The following ZFHX3 variants were observed in gnomAD, a reference collection of about 807,000 sequenced individuals.
ZFHX3 encodes the protein zinc finger homeobox 3, also known as zinc finger homeobox protein 3.
A neutral mutation model predicts 279.1 loss-of-function variants in ZFHX3; 42 were observed. That is an observed-to-expected ratio of 0.15 (90% confidence interval 0.12 to 0.19). ZFHX3 has a LOEUF of 0.19. Ranked by LOEUF, ZFHX3 falls within the 10% of genes least tolerant of loss-of-function variation. ZFHX3 has a pLI of 1.00. For synonymous variants in ZFHX3, 2,293 were observed against 1,957.8 expected, an observed-to-expected ratio of 1.17 and a Z score of -4.52; for missense variants, 4,981 against 4,754.0, an observed-to-expected ratio of 1.05 and a Z score of -1.40.
At chr16:73,244,873 C>T (rs1015049639) in intron 5 of ZFHX3, among the ~76,000 whole-genome samples, 10 of 152,206 alleles carry the variant, frequency 6.6e-5, no homozygotes, top group African/African-American at 2.4e-4. Flanking sequence ...GTTGAGAAGA[C>T]TGATGTGAAC....
intron 3 of ZFHX3, among the ~76,000 whole-genome samples, chr16:72,920,065 T>A (rs2144232541): frequency 6.6e-6 from 1 of 151,996 alleles, no homozygotes; most frequent in Admixed American, 6.6e-5. Context: ...AGTGCTGGGA[T>A]TACAGGCATG....
At chr16:73,018,995 C>T (rs563959758) in intron 1 of ZFHX3, among the ~76,000 whole-genome samples, 1 of 152,214 alleles carries the variant, frequency 6.6e-6, no homozygotes, top group Non-Finnish European at 1.5e-5. Context: ...TCCGCTGTAT[C>T]ACACACTCAT....
intron 2 of ZFHX3, among the ~76,000 whole-genome samples, chr16:73,512,710 G>A (rs976914989): frequency 1.4e-4 from 22 of 152,294 alleles, no homozygotes; most frequent in African/African-American, 5.3e-4. Context: ...CTTGGCCACG[G>A]CAATGGTCTG....
rs1318517359 is a variant in ZFHX3 at position 73,690,015 on chromosome 16, A to C, written c.-1607-9775T>G. ...ACCGCAACCTCCACCTCCCTGGTTT[A>C]AGCAATTGCCCTGCCTCAGCCTCCT... is the stretch of plus-strand genomic sequence containing the variant. On this transcript the variant is annotated intron_variant, in intron 1 of 17. Transcript: ENST00000641206. Among the ~76,000 whole-genome samples the C allele has an allele frequency of 7.2e-5, 11 of 151,958 alleles. 1 individual carries two copies. Among genetic ancestry groups the C allele is most frequent in the Admixed American group, 4.6e-4 (7 of 15,260 alleles).
Position 72,796,355 on chromosome 16 carries a change from GGTCTGCAGCGGCATC to G in ZFHX3, c.6312_6326del (p.Met2105_Thr2109del). The stretch of plus-strand genomic sequence containing the variant: ...GCTGCGGGGGTAGCTGAGCCGGCAA[GGTCTGCAGCGGCATC>G]GTCTGCATCATCAGCGGCGAGAAGA... On this transcript the variant is annotated inframe_deletion, in exon 9 of 10. Transcript: ENST00000268489. 1.2e-6 allele frequency: 2 copies of G among 1,613,954 alleles called. No individual in the cohort carries two copies. The highest frequency in any genetic ancestry group is 4.5e-5 in the East Asian group (2 of 44,864).
chr16:73,024,977 C>G (rs1307881930), intron 1 of ZFHX3, among the ~76,000 whole-genome samples: 1 of 152,192 alleles, frequency 6.6e-6, no homozygotes, highest in Non-Finnish European at 1.5e-5. Context: ...TAGACACCGC[C>G]TGCCTCCTGG....
At chr16:72,854,766 C>T (rs989607263) in intron 4 of ZFHX3, among the ~76,000 whole-genome samples, 4 of 151,924 alleles carry the variant, frequency 2.6e-5, no homozygotes, top group African/African-American at 2.4e-5. Context: ...GAGGAGAGCC[C>T]GATTGAGCCT....
intron 2 of ZFHX3, among the ~76,000 whole-genome samples, chr16:73,641,362 C>G (rs2052571711): frequency 6.6e-6 from 1 of 152,002 alleles, no homozygotes; most frequent in Admixed American, 6.6e-5. Flanking sequence ...TTGGAGCAGA[C>G]CTAGAAAGTA....
At chr16:73,352,456 TTCTCTCTC>T (rs561312963) in intron 3 of ZFHX3, among the ~76,000 whole-genome samples, 1 of 134,324 alleles carries the variant, frequency 7.4e-6, no homozygotes, top group Non-Finnish European at 1.5e-5. Context: ...AGCCTTTGGT[TTCTCTCTC>T]TCTCTCTCTC....
chr16:73,453,378 G>A (rs1196463319), intron 3 of ZFHX3, among the ~76,000 whole-genome samples: 4 of 152,158 alleles, frequency 2.6e-5, no homozygotes, highest in Non-Finnish European at 4.4e-5. Flanking sequence ...GCTTTTAAGA[G>A]GACCAGCAGG....
At chr16:73,412,932 A>T (rs1280284103) in intron 3 of ZFHX3, among the ~76,000 whole-genome samples, 1 of 152,214 alleles carries the variant, frequency 6.6e-6, no homozygotes, top group Admixed American at 6.5e-5. Context: ...ATACAGATGC[A>T]TTTATGGATC....
chr16:73,518,999 A>G (rs372895363), intron 2 of ZFHX3, among the ~76,000 whole-genome samples: 19 of 152,338 alleles, frequency 1.2e-4, no homozygotes, highest in African/African-American at 4.6e-4. Context: ...AGTGGTATTC[A>G]CTGTCTACTA....
intron 2 of ZFHX3, among the ~76,000 whole-genome samples, chr16:73,594,730 C>A (rs2052031221): frequency 6.6e-6 from 1 of 152,216 alleles, no homozygotes; most frequent in Non-Finnish European, 1.5e-5. Context: ...ACAAGCCTAA[C>A]ATTGGCATGC....
At position 72,794,055 on chromosome 16, in the gene ZFHX3, G is replaced by C. The variant is rs2035808211; in HGVS notation, c.8627C>G (p.Thr2876Ser). 2.5e-6 allele frequency: 4 copies of C among 1,614,118 alleles called. No individual in the cohort carries two copies. Among genetic ancestry groups the C allele is most frequent in the Non-Finnish European group, 3.4e-6 (4 of 1,180,064 alleles). Residue 2876 changes from threonine (T) to serine (S), a missense_variant, in exon 9 of 10, where the codon ACC becomes AGC. By Grantham distance (58) the Thr-to-Ser change is moderately conservative. Around this residue, in one of 7 missense-constraint regions of ZFHX3, gnomAD observed 744 missense variants for 701.3 expected, o/e 1.06. Coordinates refer to ENST00000268489, the MANE Select transcript of ZFHX3 (RefSeq NM_006885.4). The surrounding 1 kb of genome is among the most constrained non-coding windows in gnomAD (Gnocchi z 4.2). Reference protein sequence around the residue: ...KSSSAPNEGLTKAAMMAMSEY... With the variant: ...KSSSAPNEGLSKAAMMAMSEY... ...AGACATTGCCATCATGGCCGCTTTGGTCAACCCTTCGTTGGGTGCAGAAGA... is the reference window on the plus strand; with the variant it reads ...AGACATTGCCATCATGGCCGCTTTGCTCAACCCTTCGTTGGGTGCAGAAGA...
Position 72,797,458 on chromosome 16 carries a change from C to CTTGTTGTTGTTGTTGTTGTTG in ZFHX3, c.5203_5223dup (p.Gln1735_Gln1741dup). On this transcript the variant is annotated inframe_insertion, in exon 9 of 10. Coordinates refer to ENST00000268489, the MANE Select transcript of ZFHX3 (RefSeq NM_006885.4). ...GCCTGGGCCTGGGCCAGCGTTTGTG[C>CTTGTTGTTGTTGTTGTTGTTG]TTGTTGTTGTTGTTGTTGTTGTTGT... The CTTGTTGTTGTTGTTGTTGTTG allele has an allele frequency of 2.5e-6, 4 of 1,605,948 alleles. No homozygotes were observed. In the South Asian group the frequency reaches 4.4e-5, roughly 18 times the overall value.
intron 5 of ZFHX3, among the ~76,000 whole-genome samples, chr16:73,194,341 A>G (rs567728465): frequency 8.5e-5 from 13 of 152,204 alleles, no homozygotes; most frequent in Non-Finnish European, 1.5e-4. Flanking sequence ...CTGGCACTAT[A>G]GGCGTGCACC....
At chr16:73,745,410 C>G (rs1050857935) in intron 1 of ZFHX3, among the ~76,000 whole-genome samples, 1 of 152,140 alleles carries the variant, frequency 6.6e-6, no homozygotes, top group African/African-American at 2.4e-5. Context: ...CATGGTCCTA[C>G]AAGGAGCAGG....
chr16:73,766,712 T>C (rs2053948259), intron 1 of ZFHX3, among the ~76,000 whole-genome samples: 1 of 152,122 alleles, frequency 6.6e-6, no homozygotes. Flanking sequence ...TTAAAGCACC[T>C]ATCACTCAGG....
intron 1 of ZFHX3, among the ~76,000 whole-genome samples, chr16:73,686,644 G>A (rs1378831779): frequency 6.6e-6 from 1 of 152,112 alleles, no homozygotes; most frequent in Non-Finnish European, 1.5e-5. Context: ...ATCCAAGCAC[G>A]CAGGCTGTAT....
Sources: gnomAD v4.1 joint callset for allele counts (sites outside exome capture counted in the v4.1 genomes callset) on GRCh38, gnomAD v4.1.1 for gene constraint, gnomAD v4.1.1 regional missense constraint, Gnocchi (gnomAD v3.1) non-coding constraint, MANE v1.5 for transcripts, NCBI Gene and HGNC (gene_info 2026-07-23, HGNC 2026-07-21) for gene names.